The following ARHGAP22 variants were observed in gnomAD, a reference collection of about 807,000 sequenced individuals.
ARHGAP22 encodes the protein rho GTPase-activating protein 22.
Under a neutral mutation model 59.1 loss-of-function variants are expected in ARHGAP22, and 48 were observed. The observed-to-expected ratio is 0.81, with a 90% CI of 0.64 to 1.03. The LOEUF (loss-of-function observed/expected upper bound fraction) is 1.03, where lower values mean the gene tolerates loss of function less well. Ranked by LOEUF, ARHGAP22 falls within the 50% of genes least tolerant of loss-of-function variation. The pLI, the probability that ARHGAP22 is intolerant of heterozygous loss-of-function variation, is 0.00. For synonymous variants in ARHGAP22, 445 were observed against 416.4 expected, an observed-to-expected ratio of 1.07 and a Z score of -0.84; for missense variants, 1,015 against 958.7, an observed-to-expected ratio of 1.06 and a Z score of -0.78.
At chr10:48,599,833 AC>A (rs2060278095) in intron 1 of ARHGAP22, among the ~76,000 whole-genome samples, 2 of 152,246 alleles carry the variant, frequency 1.3e-5, no homozygotes, top group Admixed American at 1.3e-4. Flanking sequence ...TGGCCCCTGC[AC>A]CTAGTGATGG....
intron 3 of ARHGAP22, among the ~76,000 whole-genome samples, chr10:48,547,159 G>C (rs1467827818): frequency 6.6e-6 from 1 of 152,182 alleles, no homozygotes; most frequent in African/African-American, 2.4e-5. Flanking sequence ...TCCCAGGCTT[G>C]CCTCCCCAGC....
intron 1 of ARHGAP22, among the ~76,000 whole-genome samples, chr10:48,641,970 G>A (rs539240823): frequency 7.2e-4 from 109 of 152,252 alleles, no homozygotes; most frequent in African/African-American, 2.4e-3. Flanking sequence ...CAAATCTTGA[G>A]TGAACTCCCA....
At chr10:48,522,514 C>T (rs1484043840) in intron 3 of ARHGAP22, among the ~76,000 whole-genome samples, 1 of 152,190 alleles carries the variant, frequency 6.6e-6, no homozygotes, top group South Asian at 2.1e-4. Context: ...TAAATCCACC[C>T]TTGCTTTTGG....
chr10:48,486,944 G>A (rs1258942049), intron 3 of ARHGAP22, among the ~76,000 whole-genome samples: 1 of 152,240 alleles, frequency 6.6e-6, no homozygotes, highest in Non-Finnish European at 1.5e-5. Context: ...TGAGAATTTT[G>A]CCATCATCCT....
At chr10:48,476,418 G>C (rs1287973449) in intron 4 of ARHGAP22, among the ~76,000 whole-genome samples, 1 of 152,210 alleles carries the variant, frequency 6.6e-6, no homozygotes, top group Non-Finnish European at 1.5e-5. Flanking sequence ...AGCACCCCAG[G>C]AAGGGCTCAG....
At chr10:48,460,025 A>G (rs774094054) in intron 4 of ARHGAP22, 134 bp from the exon 5 acceptor site, 4 of 893,852 alleles carry the variant, frequency 4.5e-6, no homozygotes, top group Non-Finnish European at 6.8e-6. Flanking sequence ...CACTGGGAGG[A>G]TGCATACCAG....
At chr10:48,482,646 GGTTT>G (rs1396116975) in intron 3 of ARHGAP22, among the ~76,000 whole-genome samples, 3 of 151,834 alleles carry the variant, frequency 2.0e-5, no homozygotes, top group Non-Finnish European at 2.9e-5. Context: ...TTTGCTGAGA[GGTTT>G]TTTTTATTGA....
chr10:48,613,629 T>C (rs1459100914), intron 1 of ARHGAP22, among the ~76,000 whole-genome samples: 1 of 148,128 alleles, frequency 6.8e-6, no homozygotes, highest in Admixed American at 6.7e-5. Context: ...TAGAGGAGAG[T>C]TTTGGCTAGG....
chr10:48,558,246 A>G (rs1476129724), intron 2 of ARHGAP22, among the ~76,000 whole-genome samples: 2 of 152,348 alleles, frequency 1.3e-5, no homozygotes, highest in Admixed American at 6.5e-5. Flanking sequence ...ACGTGAAGTC[A>G]TAGTACATTA....
intron 1 of ARHGAP22, among the ~76,000 whole-genome samples, chr10:48,625,965 C>A (rs917191960): frequency 2.0e-5 from 3 of 152,148 alleles, no homozygotes; most frequent in Non-Finnish European, 4.4e-5. Flanking sequence ...CTCAGCTCAC[C>A]ACCAGCATAT....
chr10:48,455,785 C>T (rs2046438118), intron 5 of ARHGAP22, among the ~76,000 whole-genome samples: 1 of 152,228 alleles, frequency 6.6e-6, no homozygotes, highest in African/African-American at 2.4e-5. Context: ...TCAAAGGCGC[C>T]CACAATGCAG....
chr10:48,568,993 A>AC (rs1260121390), intron 2 of ARHGAP22, among the ~76,000 whole-genome samples: 1 of 152,126 alleles, frequency 6.6e-6, no homozygotes, highest in South Asian at 2.1e-4. Context: ...CTCTTGGAAG[A>AC]TTTTTTTCTG....
chr10:48,450,323 C>G lies in ARHGAP22; in HGVS notation c.1806G>C (p.Leu602=), dbSNP rs756787635. 3.1e-6 allele frequency: 5 copies of G among 1,605,500 alleles called. No individual in the cohort carries two copies. The East Asian group carries it at 1.1e-4, about 36-fold the overall frequency. The change falls in exon 9 of 10, where the codon CTG becomes CTC. Residue 602 remains leucine, a synonymous_variant. Coordinates refer to ENST00000249601, the MANE Select transcript of ARHGAP22 (RefSeq NM_021226.4). ...HARRSEALQG[L]VTELRAELCR... ...ACAGCTCGGCCCTGAGCTCAGTGAC[C>G]AGCCCCTGTAAGGCCTCGGAGCGGC...
At chr10:48,632,529 C>T (rs1340018418) in intron 1 of ARHGAP22, among the ~76,000 whole-genome samples, 1 of 152,060 alleles carries the variant, frequency 6.6e-6, no homozygotes, top group African/African-American at 2.4e-5. Flanking sequence ...ATCCCCATAC[C>T]CCTGGCTTCT....
rs1053733967 is a variant in ARHGAP22, at chr10:48,588,994, C to T, written c.35-5842G>A. Among the ~76,000 whole-genome samples the T allele has an allele frequency of 1.7e-4, 26 of 152,288 alleles. No individual in the cohort carries two copies. In the South Asian group the frequency reaches 5.4e-3, roughly 32 times the overall value. On this transcript the variant is annotated intron_variant, in intron 1 of 9. Coordinates refer to ENST00000249601, the MANE Select transcript of ARHGAP22 (RefSeq NM_021226.4). Reference sequence around the variant, plus strand: ...CTCAGGCTTGGGAGGAAGAAGCTAGCCTGGCACTTGCAATCTTTTGGCTCA... The same window carrying T: ...CTCAGGCTTGGGAGGAAGAAGCTAGTCTGGCACTTGCAATCTTTTGGCTCA...
chr10:48,479,395 T>C (rs1022626838), intron 4 of ARHGAP22, among the ~76,000 whole-genome samples: 3 of 152,146 alleles, frequency 2.0e-5, no homozygotes, highest in African/African-American at 4.8e-5. Context: ...ACCCCTGGAA[T>C]AGAATCCAGT....
At chr10:48,524,938 G>A (rs1199466672) in intron 3 of ARHGAP22, among the ~76,000 whole-genome samples, 16 of 152,188 alleles carry the variant, frequency 1.1e-4, no homozygotes, top group South Asian at 2.1e-4. Context: ...CTGCTTCACC[G>A]GATGGTTGTG....
At chr10:48,512,603 C>A (rs1390830335) in intron 3 of ARHGAP22, among the ~76,000 whole-genome samples, 1 of 152,204 alleles carries the variant, frequency 6.6e-6, no homozygotes, top group Non-Finnish European at 1.5e-5. Flanking sequence ...TGCTAGCAAT[C>A]TTACACACAG....
intron 3 of ARHGAP22, among the ~76,000 whole-genome samples, chr10:48,502,282 C>T (rs753233314): frequency 5.9e-5 from 9 of 152,096 alleles, no homozygotes; most frequent in South Asian, 2.1e-4. Flanking sequence ...GGCAGTACCT[C>T]GTGGGGGAAG....
Sources: gnomAD v4.1 joint callset for allele counts (sites outside exome capture counted in the v4.1 genomes callset) on GRCh38, gnomAD v4.1.1 for gene constraint, MANE v1.5 for transcripts, NCBI Gene and HGNC (gene_info 2026-07-23, HGNC 2026-07-21) for gene names.